FAM83E: variants seen among roughly 807,000 people sequenced by gnomAD.
FAM83E encodes the protein scaffolding CK1 anchoring protein E, also known as protein FAM83E.
A neutral mutation model predicts 34.3 loss-of-function variants in FAM83E; 29 were observed. The ratio of observed to expected loss-of-function variants is 0.85; its 90% CI spans 0.63 to 1.15. The LOEUF (loss-of-function observed/expected upper bound fraction) is 1.15, where lower values mean the gene tolerates loss of function less well. Among genes scored for constraint, FAM83E ranks in the 50% most tolerant of loss-of-function variants. FAM83E has a pLI of 0.00. For synonymous variants in FAM83E, 312 were observed against 311.6 expected (o/e 1.00, Z -0.01); for missense variants, 697 against 685.0 (o/e 1.02, Z -0.20).
intron 6 of FAM83E, among the ~76,000 whole-genome samples, chr19:48,601,804 T>G (rs904939995): frequency 7.5e-4 from 81 of 108,356 alleles, no homozygotes; most frequent in Admixed American, 1.2e-3. Flanking sequence ...TTGAGGGAGG[T>G]GGAAGGAGAT....
At chr19:48,609,043 G>A (rs183943235) in intron 5 of FAM83E, among the ~76,000 whole-genome samples, 7 of 152,094 alleles carry the variant, frequency 4.6e-5, no homozygotes, top group Admixed American at 4.6e-4. Flanking sequence ...CCCTGTTGAG[G>A]GACCTGGTTC....
At chr19:48,610,935 T>A in intron 3 of FAM83E, 88 bp from the exon 4 acceptor site, 1 of 1,385,760 alleles carries the variant, frequency 7.2e-7, no homozygotes, top group Non-Finnish European at 9.9e-7. Context: ...ACATCTGGAA[T>A]CTGGGAGTAA....
Position 48,601,353 on chromosome 19 carries a change from C to G in FAM83E, c.1193G>C (p.Gly398Ala). Residue 398 changes from glycine (G) to alanine (A), a missense_variant, in exon 7 of 7, where the codon GGC (glycine) becomes GCC (alanine). Gly to Ala is a moderately conservative substitution (Grantham distance 60). Coordinates refer to ENST00000263266, the MANE Select transcript of FAM83E (RefSeq NM_017708.4). ...AGCCTTGGCTGGAGTGTCCTTGGAG[C>G]CCCAGGATTTCTTGAGCTGTGGAGG... Reference protein sequence around the residue: ...DGDNELKKSWGSKDTPAKALM... With the variant: ...DGDNELKKSWASKDTPAKALM... 1 of 1,563,202 alleles carries G rather than the reference C, an allele frequency of 6.4e-7. No homozygotes were observed. The highest frequency in any genetic ancestry group is 8.7e-7 in the Non-Finnish European group (1 of 1,153,172).
Position 48,600,934 on chromosome 19 carries a change from T to G in FAM83E, c.*175A>C. On this transcript the variant is annotated 3_prime_UTR_variant, in exon 7 of 7. Transcript: ENST00000263266. ...TCCCAAAGTGCAGGGATTACAGGCA[T>G]GAGCCACCACTCCCGGCCCAAGTTG... 7.2e-7 allele frequency: 1 copy of G among 1,382,042 alleles called. No homozygotes were observed. Among genetic ancestry groups the G allele is most frequent in the Non-Finnish European group, 9.4e-7 (1 of 1,060,156 alleles). 85.6% of individuals were successfully genotyped at this position (1,382,042 alleles called of 1,614,324 possible). A position where few individuals can be genotyped will look rare whatever the true frequency, so the allele number is the denominator to read the frequency against.
rs940747671 is a variant in FAM83E, at chr19:48,614,753, G to A, written c.-1301C>T. ...CTCAATGGCCTCCCTTCCAGTGCCT[G>A]CTTTTTCCGAGAACGTAGGCTGTGG... is the stretch of plus-strand genomic sequence containing the variant. On this transcript the variant is annotated 5_prime_UTR_variant, in exon 2 of 7. Transcript: ENST00000263266. 3 of 985,246 alleles carry A rather than the reference G, an allele frequency of 3.0e-6. No individual in the cohort carries two copies. The highest frequency in any genetic ancestry group is 3.6e-6 in the Non-Finnish European group (3 of 829,964). The allele number at this position is 985,246 out of a possible 1,614,324, so 61.0% of individuals were successfully genotyped here.
intron 4 of FAM83E, among the ~76,000 whole-genome samples, chr19:48,610,474 G>A (rs931894874): frequency 6.0e-5 from 9 of 150,390 alleles, no homozygotes; most frequent in African/African-American, 1.7e-4. Context: ...ACCCTCAGGC[G>A]TTTCTTGGGG....
At chr19:48,611,494 G>A (rs1974041476) in intron 3 of FAM83E, among the ~76,000 whole-genome samples, 1 of 151,384 alleles carries the variant, frequency 6.6e-6, no homozygotes, top group Admixed American at 6.6e-5. Context: ...AAAAGACGAA[G>A]TCTTGCTCTG....
intron 5 of FAM83E, among the ~76,000 whole-genome samples, chr19:48,604,322 A>ATTT (rs913336534): frequency 0.041 from 4,036 of 97,810 alleles, 336 homozygotes; most frequent in African/African-American, 0.16. Context: ...TGACCCTGGG[A>ATTT]TTTTTTTTTT....
rs1568420194 is a variant in FAM83E at position 48,608,278 on chromosome 19, AT to A, written c.758+1597del. Among the ~76,000 whole-genome samples the A allele has an allele frequency of 2.0e-5, 3 of 147,500 alleles. No individual in the cohort carries two copies. In the East Asian group the frequency reaches 6.1e-4, roughly 30 times the overall value. On this transcript the variant is annotated intron_variant, in intron 5 of 6. Transcript: ENST00000263266. The stretch of plus-strand genomic sequence containing the variant: ...GCATGCTCCATCATGTCTAATTTTT[AT>A]TTTTTTAAATTTTTGTAGAGATGGG...
chr19:48,612,667 G>A (rs1033634102), intron 3 of FAM83E, among the ~76,000 whole-genome samples: 4 of 151,634 alleles, frequency 2.6e-5, no homozygotes, highest in Non-Finnish European at 5.9e-5. Flanking sequence ...CTCCCAAAGT[G>A]CTGGAATTAC....
In FAM83E at chr19:48,600,881, G is replaced by C. The variant is rs62130310; in HGVS notation, c.*228C>G. On this transcript the variant is annotated 3_prime_UTR_variant, in exon 7 of 7. Coordinates refer to ENST00000263266, the MANE Select transcript of FAM83E (RefSeq NM_017708.4). Reference sequence around the variant, plus strand: ...TTGCCCAGGCTGGTCTCCAACTCCTGGCCTTAAGCAACCCTCCCACCTTAG... The same window carrying C: ...TTGCCCAGGCTGGTCTCCAACTCCTCGCCTTAAGCAACCCTCCCACCTTAG... 177,184 of 870,702 alleles carry C rather than the reference G, an allele frequency of 0.2. 18,969 individuals carry two copies. Among genetic ancestry groups the C allele is most frequent in the East Asian group, 0.27 (7,499 of 28,298 alleles). The allele number at this position is 870,702 out of a possible 1,614,324, so 53.9% of individuals were successfully genotyped here.
Position 48,601,240 on chromosome 19 carries a change from C to G in FAM83E, c.1306G>C (p.Ala436Pro), listed in dbSNP as rs532926172. The G allele has an allele frequency of 2.5e-6, 4 of 1,605,400 alleles. No individual in the cohort carries two copies. The African/African-American group carries it at 4.0e-5, about 16-fold the overall frequency. Reference protein sequence around the residue: ...PWGGALPLPPAHRLRYLSPAR... With the variant: ...PWGGALPLPPPHRLRYLSPAR... ...GGGGACAGATAGCGGAGGCGGTGGG[C>G]GGGGGGCAGGGGCAGGGCACCGCCC... is the stretch of plus-strand genomic sequence containing the variant. The change falls in exon 7 of 7, where the codon GCC becomes CCC. Residue 436 changes from alanine to proline, a missense_variant. Transcript: ENST00000263266.
In FAM83E at chr19:48,600,949, G is replaced by C. The variant is rs62130311; in HGVS notation, c.*160C>G. ...ATTACAGGCATGAGCCACCACTCCC[G>C]GCCCAAGTTGCAGAACAAGTGACAA... On this transcript the variant is annotated 3_prime_UTR_variant, in exon 7 of 7. Coordinates refer to ENST00000263266, the MANE Select transcript of FAM83E (RefSeq NM_017708.4). 61 of 1,425,830 alleles carry C rather than the reference G, an allele frequency of 4.3e-5. No homozygotes were observed. The highest frequency in any genetic ancestry group is 5.6e-5 in the Admixed American group (2 of 35,422). 88.3% of individuals were successfully genotyped at this position (1,425,830 alleles called of 1,614,324 possible). A position where few individuals can be genotyped will look rare whatever the true frequency, so the allele number is the denominator to read the frequency against.
chr19:48,613,427 G>C lies in FAM83E; in HGVS notation c.-55C>G. 1 of 1,462,496 alleles carries C rather than the reference G, an allele frequency of 6.8e-7. No homozygotes were observed. The highest frequency in any genetic ancestry group is 2.5e-5 in the East Asian group (1 of 40,326). 90.6% of individuals were successfully genotyped at this position (1,462,496 alleles called of 1,614,324 possible). On this transcript the variant is annotated 5_prime_UTR_variant, in exon 3 of 7. Coordinates refer to ENST00000263266, the MANE Select transcript of FAM83E (RefSeq NM_017708.4). ...TGAGAGGCTGGGTCCCCGGGGGTCT[G>C]GCTGTCTCTGGGGACTGTGATCATC...
At chr19:48,603,151 C>G (rs892670774) in intron 6 of FAM83E, among the ~76,000 whole-genome samples, 2 of 152,032 alleles carry the variant, frequency 1.3e-5, no homozygotes, top group Admixed American at 6.6e-5. Context: ...CCTCCCCCAA[C>G]CAAACTCGGA....
intron 6 of FAM83E, among the ~76,000 whole-genome samples, chr19:48,602,930 C>T: frequency 6.7e-6 from 1 of 149,298 alleles, no homozygotes; most frequent in East Asian, 2.0e-4. Context: ...CAGCTCACTG[C>T]AACCGCCGCC....
chr19:48,611,490 C>T (rs953189918), intron 3 of FAM83E, among the ~76,000 whole-genome samples: 9 of 149,168 alleles, frequency 6.0e-5, no homozygotes, highest in South Asian at 2.1e-4. Flanking sequence ...TTTTAAAAGA[C>T]GAAGTCTTGC....
At chr19:48,607,724 G>C (rs1325716998) in intron 5 of FAM83E, 1 of 195,960 alleles carries the variant, frequency 5.1e-6, no homozygotes, top group East Asian at 1.2e-4. Context: ...AGCATTCTTT[G>C]TTTTCTTTTC....
rs1974094621 is a variant in FAM83E at position 48,613,828 on chromosome 19, C to G, written c.-456G>C. ...GCTGTCCTGAATTTGGTCAGGCTGA[C>G]CACTTGATCATTTCCAGGCGGCAAG... On this transcript the variant is annotated 5_prime_UTR_variant, in exon 3 of 7. Transcript: ENST00000263266. The G allele has an allele frequency of 5.1e-6, 5 of 985,320 alleles. No individual in the cohort carries two copies. In the South Asian group the frequency reaches 1.9e-4, roughly 37 times the overall value. The allele number at this position is 985,320 out of a possible 1,614,324, so 61.0% of individuals were successfully genotyped here. A position where few individuals can be genotyped will look rare whatever the true frequency, so the allele number is the denominator to read the frequency against.
Sources: allele counts gnomAD v4.1 joint callset (sites outside exome capture counted in the v4.1 genomes callset), GRCh38; gene constraint gnomAD v4.1.1; transcripts MANE v1.5; gene names NCBI Gene and HGNC (gene_info 2026-07-23, HGNC 2026-07-21).